The following SNX29 variants were observed in gnomAD, a reference collection of about 807,000 sequenced individuals.
SNX29 encodes the protein sorting nexin-29.
A neutral mutation model predicts 102.1 loss-of-function variants in SNX29; 78 were observed. The observed-to-expected ratio is 0.76, with a 90% CI of 0.64 to 0.92. The LOEUF is 0.92. SNX29 is among the 40% of genes least tolerant of loss of function. The pLI, the probability that SNX29 is intolerant of heterozygous loss-of-function variation, is 0.00. For synonymous variants in SNX29, 580 were observed against 414.5 expected, an observed-to-expected ratio of 1.40 and a Z score of -4.85; for missense variants, 1,280 against 1,061.7, an observed-to-expected ratio of 1.21 and a Z score of -2.86.
At chr16:12,086,192 G>A (rs1259143968) in intron 11 of SNX29, among the ~76,000 whole-genome samples, 1 of 151,870 alleles carries the variant, frequency 6.6e-6, no homozygotes, top group Non-Finnish European at 1.5e-5. Flanking sequence ...TTTTAGTAGA[G>A]ACGGGATTTC....
intron 14 of SNX29, among the ~76,000 whole-genome samples, chr16:12,274,379 C>G (rs915488157): frequency 1.3e-5 from 2 of 152,166 alleles, no homozygotes; most frequent in Admixed American, 6.5e-5. Flanking sequence ...GTGAGGCTTG[C>G]TTTTGTCCAT....
chr16:12,571,573 T>G lies in SNX29; in HGVS notation c.*2944T>G, dbSNP rs985535785. 1.9e-6 allele frequency: 2 copies of G among 1,038,514 alleles called. No individual in the cohort carries two copies. The highest frequency in any genetic ancestry group is 2.3e-6 in the Non-Finnish European group (2 of 855,728). 64.3% of individuals were successfully genotyped at this position (1,038,514 alleles called of 1,614,324 possible). A position where few individuals can be genotyped will look rare whatever the true frequency, so the allele number is the denominator to read the frequency against. On this transcript the variant is annotated 3_prime_UTR_variant, in exon 21 of 21. Transcript: ENST00000566228. ...AGAATCCACACCGAATCCTTCTGTC[T>G]TCATGGCCTGCTGTGCTGAAACAGA...
chr16:12,393,892 G>A (rs1030328730), intron 16 of SNX29, among the ~76,000 whole-genome samples: 10 of 152,252 alleles, frequency 6.6e-5, no homozygotes, highest in Non-Finnish European at 1.5e-4. Context: ...TTGTCATGAG[G>A]TAGGCAAGGA....
At chr16:12,500,323 A>T (rs1271258608) in intron 19 of SNX29, among the ~76,000 whole-genome samples, 6 of 152,180 alleles carry the variant, frequency 3.9e-5, no homozygotes. Context: ...GTCCTTAGAT[A>T]ATGCTGATGG....
chr16:12,092,179 C>T (rs937018512), intron 11 of SNX29, among the ~76,000 whole-genome samples: 1 of 152,136 alleles, frequency 6.6e-6, no homozygotes, highest in Non-Finnish European at 1.5e-5. Flanking sequence ...GTAGCCCCCA[C>T]TGGGATACAA....
intron 16 of SNX29, among the ~76,000 whole-genome samples, chr16:12,397,700 G>A (rs2151490440): frequency 6.6e-6 from 1 of 152,208 alleles, no homozygotes; most frequent in Non-Finnish European, 1.5e-5. Context: ...TACCACTACT[G>A]GGCATTTTGT....
At chr16:12,042,476 T>G (rs2049921874) in intron 4 of SNX29, among the ~76,000 whole-genome samples, 1 of 152,170 alleles carries the variant, frequency 6.6e-6, no homozygotes, top group African/African-American at 2.4e-5. Context: ...TGTGCTCTCC[T>G]CCCTCTCTAC....
At chr16:12,549,729 G>C (rs2077846516) in intron 20 of SNX29, among the ~76,000 whole-genome samples, 1 of 152,246 alleles carries the variant, frequency 6.6e-6, no homozygotes, top group Admixed American at 6.5e-5. Flanking sequence ...ACCCTACAAA[G>C]TGTGTTCCAG....
intron 13 of SNX29, among the ~76,000 whole-genome samples, chr16:12,194,217 A>G (rs1317107983): frequency 1.3e-5 from 2 of 152,192 alleles, no homozygotes; most frequent in African/African-American, 4.8e-5. Flanking sequence ...TGTTAGATTT[A>G]TATGAATGTA....
At chr16:12,167,362 G>C (rs998421916) in intron 13 of SNX29, among the ~76,000 whole-genome samples, 2 of 152,104 alleles carry the variant, frequency 1.3e-5, no homozygotes, top group African/African-American at 4.8e-5. Context: ...CCTCCAGACT[G>C]TCCAGGTGTC....
chr16:12,490,538 A>T (rs1303938738), intron 19 of SNX29, among the ~76,000 whole-genome samples: 1 of 152,168 alleles, frequency 6.6e-6, no homozygotes, highest in African/African-American at 2.4e-5. Flanking sequence ...GCTGGCTCTG[A>T]GCCCTGGTTT....
chr16:12,540,919 T>G (rs1367127911), intron 20 of SNX29, among the ~76,000 whole-genome samples: 1 of 152,190 alleles, frequency 6.6e-6, no homozygotes, highest in African/African-American at 2.4e-5. Context: ...GCCCTGTCTG[T>G]TCACCCCCTG....
intron 13 of SNX29, among the ~76,000 whole-genome samples, chr16:12,199,217 A>G (rs1009655333): frequency 6.6e-6 from 1 of 152,240 alleles, no homozygotes; most frequent in Non-Finnish European, 1.5e-5. Flanking sequence ...AGCATTCCCC[A>G]GGGTGAATGC....
At chr16:12,347,719 A>G (rs1597018126) in intron 15 of SNX29, among the ~76,000 whole-genome samples, 1 of 152,142 alleles carries the variant, frequency 6.6e-6, no homozygotes, top group Non-Finnish European at 1.5e-5. Context: ...GAACTCTTTC[A>G]TCCCTTTGTA....
chr16:12,018,881 C>T (rs1456897935), intron 3 of SNX29, among the ~76,000 whole-genome samples: 3 of 151,898 alleles, frequency 2.0e-5, no homozygotes, highest in Non-Finnish European at 4.4e-5. Context: ...AGCCACTGAG[C>T]CCGGCCTGGG....
At position 11,981,727 on chromosome 16, in the gene SNX29, A is replaced by AAT. The variant is rs532609518; in HGVS notation, c.7+4924_7+4925dup. Among the ~76,000 whole-genome samples, 99 of 152,186 alleles carry AAT rather than the reference A, an allele frequency of 6.5e-4. 2 individuals are homozygous for AAT. In the South Asian group the frequency reaches 0.018, roughly 28 times the overall value. On this transcript the variant is annotated intron_variant, in intron 1 of 20. Transcript: ENST00000566228. The stretch of plus-strand genomic sequence containing the variant: ...ACCAGGCAGTGGAATGGCGCTAGGT[A>AAT]ATATATATATACAAGATAAATGGGT...
At position 12,572,952 on chromosome 16, in the gene SNX29, C is replaced by A. The variant is rs542591587; in HGVS notation, c.*4323C>A. 5.9e-6 allele frequency: 4 copies of A among 675,092 alleles called. No individual in the cohort carries two copies. The highest frequency in any genetic ancestry group is 1.9e-5 in the African/African-American group (1 of 53,100). The allele number at this position is 675,092 out of a possible 1,614,324, so 41.8% of individuals were successfully genotyped here. ...TTCAAGGCAGGCATCTGCTTATGAGCAAGGTCAAAGATTTTTCAAAATATT... is the reference window on the plus strand; with the variant it reads ...TTCAAGGCAGGCATCTGCTTATGAGAAAGGTCAAAGATTTTTCAAAATATT... On this transcript the variant is annotated 3_prime_UTR_variant, in exon 21 of 21. Transcript: ENST00000566228.
chr16:12,010,984 A>G (rs760961859), intron 3 of SNX29, among the ~76,000 whole-genome samples: 1 of 151,888 alleles, frequency 6.6e-6, no homozygotes, highest in Non-Finnish European at 1.5e-5. Flanking sequence ...CCTGCATCAC[A>G]AGTTTCTTAC....
chr16:12,510,973 C>A (rs1031043706), intron 19 of SNX29, among the ~76,000 whole-genome samples: 2 of 151,824 alleles, frequency 1.3e-5, no homozygotes, highest in Admixed American at 6.6e-5. Context: ...CAAAAGCACT[C>A]CCCCACAGAG....
Sources: gnomAD v4.1 joint callset for allele counts (sites outside exome capture counted in the v4.1 genomes callset) on GRCh38, gnomAD v4.1.1 for gene constraint, MANE v1.5 for transcripts, NCBI Gene and HGNC (gene_info 2026-07-23, HGNC 2026-07-21) for gene names.